CACNA1S: variants seen among roughly 807,000 people sequenced by gnomAD.
CACNA1S encodes voltage-dependent L-type calcium channel subunit alpha-1S.
A neutral mutation model predicts 207.4 loss-of-function variants in CACNA1S; 126 were observed. That is an observed-to-expected ratio of 0.61 (90% CI 0.53 to 0.70). CACNA1S has a LOEUF of 0.70. Among genes scored for constraint, CACNA1S ranks in the 30% least tolerant of loss-of-function variants. The pLI is 0.00. For missense variants in CACNA1S, 2,349 were observed against 2,422.8 expected (o/e 0.97, Z 0.64); for synonymous variants, 960 against 932.7 (o/e 1.03, Z -0.53).
intron 13 of CACNA1S, among the ~76,000 whole-genome samples, chr1:201,075,225 G>A (rs1215539160): frequency 6.6e-6 from 1 of 152,198 alleles, no homozygotes; most frequent in East Asian, 1.9e-4. Context: ...CCTCCCCACT[G>A]CTCTAGGCTC....
In CACNA1S at chr1:201,048,610, G is replaced by A. The variant is rs2102554924; in HGVS notation, c.4413C>T (p.Val1471=). The change falls in exon 36 of 44, where the codon GTC becomes GTT. Residue 1471 remains valine, a synonymous_variant. Coordinates refer to ENST00000362061, the MANE Select transcript of CACNA1S (RefSeq NM_000069.3). ...CCGTCTTGATCTTGAGTGCCGTGCG[G>A]ACCAGGGCAAAGAGTGTGGCATTGA... ...VTFNATLFAL[V]RTALKIKTEG... is the part of the protein sequence containing the mutation. 1 of 1,613,882 alleles carries A rather than the reference G, an allele frequency of 6.2e-7. No homozygotes were observed. The highest frequency in any genetic ancestry group is 8.5e-7 in the Non-Finnish European group (1 of 1,179,934).
In CACNA1S at chr1:201,053,641, A is replaced by AT; in HGVS notation, c.3667-55_3667-54insA. The AT allele has an allele frequency of 1.2e-6, 1 of 847,954 alleles. No homozygotes were observed. The highest frequency in any genetic ancestry group is 1.8e-6 in the Non-Finnish European group (1 of 546,184). 52.5% of individuals were successfully genotyped at this position (847,954 alleles called of 1,614,324 possible). ...CTGGGGGCAGAACCTCAGAGGGGTA[A>AT]GGGGCAGGGCGGGGAGGGAGGTGCA... On this transcript the variant is annotated intron_variant, in intron 29 of 43. Transcript: ENST00000362061. The surrounding 1 kb of genome is among the most constrained non-coding windows in gnomAD (Gnocchi z 5.1).
rs973249050 is a variant in CACNA1S, at chr1:201,047,924, A to G, written c.4442-298T>C. On this transcript the variant is annotated intron_variant, in intron 36 of 43. Transcript: ENST00000362061. The stretch of plus-strand genomic sequence containing the variant: ...TTCTTCCAAAATCTTTCAATTCCCC[A>G]GGCACTGTGGTCTGGCCCAAATACC... Among the ~76,000 whole-genome samples, 6 of 152,294 alleles carry G rather than the reference A, an allele frequency of 3.9e-5. No homozygotes were observed. The East Asian group carries it at 1.2e-3, about 29-fold the overall frequency.
At position 201,094,026 on chromosome 1, in the gene CACNA1S, G is replaced by A. The variant is rs371422909; in HGVS notation, c.259-5C>T. On this transcript the variant is annotated splice_polypyrimidine_tract_variant and splice_region_variant and intron_variant, in intron 2 of 43. Transcript: ENST00000362061. ...GAAGAAATACTCCAGCTTCTCCTGT[G>A]GGAGCAAACGTGGTCACAGCATGCC... The A allele has an allele frequency of 6.2e-7, 1 of 1,613,990 alleles. No homozygotes were observed. The highest frequency in any genetic ancestry group is 1.3e-5 in the African/African-American group (1 of 74,912).
In CACNA1S at chr1:201,070,277, G is replaced by T. The variant is rs886181188; in HGVS notation, c.2355C>A (p.Thr785=). ...EASSFFIFSP[T]NKIRVLCHRI... ...AGCAGCCAAGGGGCACCCACTTATT[G>T]GTGGGGCTGAAGATGAAGAAGGAGC... Residue 785 remains threonine (T), a synonymous_variant, in exon 17 of 44, where the codon ACC becomes ACA. Coordinates refer to ENST00000362061, the MANE Select transcript of CACNA1S (RefSeq NM_000069.3). 13 of 1,613,854 alleles carry T rather than the reference G, an allele frequency of 8.1e-6. No individual in the cohort carries two copies. Among genetic ancestry groups the T allele is most frequent in the African/African-American group, 1.3e-5 (1 of 74,922 alleles).
intron 2 of CACNA1S, among the ~76,000 whole-genome samples, chr1:201,109,311 G>A (rs966709960): frequency 6.6e-6 from 1 of 151,672 alleles, no homozygotes; most frequent in African/African-American, 2.4e-5. Context: ...ACAAGATATA[G>A]ATGTGGGTGA....
intron 22 of CACNA1S, 111 bp from the exon 23 acceptor site, chr1:201,062,625 G>A: frequency 1.1e-6 from 1 of 937,538 alleles, no homozygotes; most frequent in Non-Finnish European, 1.7e-6. Flanking sequence ...GCAGGCATCT[G>A]AAAAAAGGAG....
chr1:201,066,467 G>A lies in CACNA1S; in HGVS notation c.2658-151C>T. 4.2e-6 allele frequency: 3 copies of A among 716,250 alleles called. No homozygotes were observed. In the South Asian group the frequency reaches 4.8e-5, roughly 11 times the overall value. The allele number at this position is 716,250 out of a possible 1,614,324, so 44.4% of individuals were successfully genotyped here. ...TTCCCCTTCCCTTTCCTCCAGCCGT[G>A]AGAGTGTGCCCGACTCCAGGGCACA... On this transcript the variant is annotated intron_variant, in intron 20 of 43. Coordinates refer to ENST00000362061, the MANE Select transcript of CACNA1S (RefSeq NM_000069.3). This position sits in a 1 kb window ranked among gnomAD's most constrained non-coding sequence, Gnocchi z 4.3.
intron 38 of CACNA1S, among the ~76,000 whole-genome samples, chr1:201,046,554 T>C (rs1197049070): frequency 6.6e-6 from 1 of 151,782 alleles, no homozygotes; most frequent in Non-Finnish European, 1.5e-5. Flanking sequence ...TTTTTTTTTT[T>C]TCTTTTGAGA....
At chr1:201,079,758 T>C (rs1188864814) in intron 10 of CACNA1S, among the ~76,000 whole-genome samples, 1 of 152,168 alleles carries the variant, frequency 6.6e-6, no homozygotes, top group Non-Finnish European at 1.5e-5. Flanking sequence ...CTTAAACCCT[T>C]ATCTAAAGTC....
Position 201,060,816 on chromosome 1 carries a change from G to C in CACNA1S, c.3256C>G (p.Arg1086Gly), listed in dbSNP as rs80338782. ...YKNCELDKNQ[R>G]QCVQYALKAR... ...TTCAGGGCATACTGTACACATTGGC[G>C]CTGTGACACATACAACAGGACAGGT... Residue 1086 changes from arginine to glycine, a missense_variant and splice_region_variant, in exon 26 of 44, where the codon CGC becomes GGC. Transcript: ENST00000362061. 3 of 1,614,144 alleles carry C rather than the reference G, an allele frequency of 1.9e-6. No homozygotes were observed. Among genetic ancestry groups the C allele is most frequent in the Non-Finnish European group, 2.5e-6 (3 of 1,180,040 alleles).
intron 2 of CACNA1S, among the ~76,000 whole-genome samples, chr1:201,101,869 C>CG (rs1024249869): frequency 6.6e-5 from 10 of 151,684 alleles, no homozygotes; most frequent in Non-Finnish European, 1.5e-4. Flanking sequence ...CTCTTTGCAA[C>CG]ATTAACTCCT....
At chr1:201,094,461 G>A (rs775394663) in intron 2 of CACNA1S, among the ~76,000 whole-genome samples, 4 of 150,378 alleles carry the variant, frequency 2.7e-5, no homozygotes, top group Non-Finnish European at 5.9e-5. Context: ...TTCATTACTC[G>A]ACTTCCAGAT....
In CACNA1S at chr1:201,093,905, C is replaced by T. The variant is rs1347206414; in HGVS notation, c.375G>A (p.Leu125=). The change falls in exon 3 of 44, where the codon CTG becomes CTA. Residue 125 remains leucine (L), a synonymous_variant. Transcript: ENST00000362061. ...ACCCCAGGAAGACAATGGTGAAGTCCAGCACATTCCAGCCACTGCGCAGGT... is the reference window on the plus strand; with the variant it reads ...ACCCCAGGAAGACAATGGTGAAGTCTAGCACATTCCAGCCACTGCGCAGGT... ...DAYLRSGWNV[L]DFTIVFLGVF... The T allele has an allele frequency of 6.2e-7, 1 of 1,614,170 alleles. No homozygotes were observed. Among genetic ancestry groups the T allele is most frequent in the South Asian group, 1.1e-5 (1 of 91,072 alleles).
Position 201,053,730 on chromosome 1 carries a change from G to T in CACNA1S, c.3667-143C>A. 1 of 854,936 alleles carries T rather than the reference G, an allele frequency of 1.2e-6. No individual in the cohort carries two copies. The highest frequency in any genetic ancestry group is 1.9e-6 in the Non-Finnish European group (1 of 540,164). 53.0% of individuals were successfully genotyped at this position (854,936 alleles called of 1,614,324 possible). The stretch of plus-strand genomic sequence containing the variant: ...TCCAGCCCCGCCTCTGGCCCCTGCT[G>T]TCCACTAGTTCGGGACCATCCTTGG... On this transcript the variant is annotated intron_variant, in intron 29 of 43. Coordinates refer to ENST00000362061, the MANE Select transcript of CACNA1S (RefSeq NM_000069.3). The surrounding 1 kb of genome is among the most constrained non-coding windows in gnomAD (Gnocchi z 5.1).
In CACNA1S at chr1:201,044,378, C is replaced by T. The variant is rs148273582; in HGVS notation, c.4747G>A (p.Glu1583Lys). The T allele has an allele frequency of 3.0e-4, 481 of 1,613,780 alleles. 1 individual carries two copies. Among genetic ancestry groups the T allele is most frequent in the Admixed American group, 4.2e-4 (25 of 60,010 alleles). Reference sequence around the variant, plus strand: ...GCCTCCACCATGGCTCTCTCCAGCTCCTCCTCAGCAGCCAGGTCTCCTGAG... The same window carrying T: ...GCCTCCACCATGGCTCTCTCCAGCTTCTCCTCAGCAGCCAGGTCTCCTGAG... ...TVSGDLAAEE[E>K]LERAMVEAAM... Residue 1583 changes from glutamate to lysine, a missense_variant, in exon 39 of 44, where the codon GAG becomes AAG. Glu to Lys is a moderately conservative substitution (Grantham distance 56). Coordinates refer to ENST00000362061, the MANE Select transcript of CACNA1S (RefSeq NM_000069.3).
At chr1:201,103,777 A>T (rs1326774002) in intron 2 of CACNA1S, among the ~76,000 whole-genome samples, 1 of 152,192 alleles carries the variant, frequency 6.6e-6, no homozygotes, top group Non-Finnish European at 1.5e-5. Flanking sequence ...GCTGCTGGCC[A>T]CAAGAGTTGG....
Position 201,091,393 on chromosome 1 carries a change from G to A in CACNA1S, c.694+247C>T, listed in dbSNP as rs557358976. Among the ~76,000 whole-genome samples, 3 of 141,686 alleles carry A rather than the reference G, an allele frequency of 2.1e-5. No individual in the cohort carries two copies. In the Admixed American group the frequency reaches 2.2e-4, roughly 10 times the overall value. The allele number at this position is 141,686 out of a possible 152,430, so 93.0% of individuals were successfully genotyped here. ...GCCTGGAACATACCACATTGTATGTGGGGCAGGGGGGTGACGGTGTTTCAG... is the reference window on the plus strand; with the variant it reads ...GCCTGGAACATACCACATTGTATGTAGGGCAGGGGGGTGACGGTGTTTCAG... On this transcript the variant is annotated intron_variant, in intron 5 of 43. Coordinates refer to ENST00000362061, the MANE Select transcript of CACNA1S (RefSeq NM_000069.3).
At chr1:201,091,058 T>C (rs776608621) in intron 5 of CACNA1S, among the ~76,000 whole-genome samples, 2 of 152,206 alleles carry the variant, frequency 1.3e-5, no homozygotes, top group South Asian at 4.1e-4. Flanking sequence ...TCAAAACCTA[T>C]ATAAACAAAA....
Sources: allele counts gnomAD v4.1 joint callset (sites outside exome capture counted in the v4.1 genomes callset), GRCh38; gene constraint gnomAD v4.1.1; non-coding constraint Gnocchi (gnomAD v3.1); transcripts MANE v1.5; gene names NCBI Gene and HGNC (gene_info 2026-07-23, HGNC 2026-07-21).